The following SOS1 variants were observed in gnomAD, a reference collection of about 807,000 sequenced individuals.
The protein encoded by SOS1 is SOS Ras/Rac guanine nucleotide exchange factor 1.
A neutral mutation model predicts 157.6 loss-of-function variants in SOS1; 25 were observed. That is an observed-to-expected ratio of 0.16 (90% CI 0.12 to 0.22). The LOEUF (loss-of-function observed/expected upper bound fraction) is 0.22. Ranked by LOEUF, SOS1 falls within the 10% of genes least tolerant of loss-of-function variation. SOS1 has a pLI of 1.00. For missense variants in SOS1, 1,237 were observed against 1,599.1 expected (o/e 0.77, Z 3.86); for synonymous variants, 528 against 534.0 (o/e 0.99, Z 0.16).
intron 17 of SOS1, 145 bp from the exon 18 acceptor site, chr2:38,997,570 C>T (rs1668938017): frequency 5.4e-6 from 3 of 559,138 alleles, no homozygotes; most frequent in African/African-American, 3.8e-5. Context: ...GATATGAAAA[C>T]AGCAGCTTAA....
rs55813409 is a variant in SOS1, at chr2:38,987,137, A to G, written c.3510+336T>C. On this transcript the variant is annotated intron_variant, in intron 22 of 22. Transcript: ENST00000402219. Reference sequence around the variant, plus strand: ...ATGTCAAAATACAGTTTGACTTATAATGTGCCTTCATACAAAGCTTCAGGA... The same window carrying G: ...ATGTCAAAATACAGTTTGACTTATAGTGTGCCTTCATACAAAGCTTCAGGA... Among the ~76,000 whole-genome samples the G allele has an allele frequency of 3.8e-3, 579 of 152,288 alleles. 8 individuals are homozygous for G. The South Asian group carries it at 0.045, about 12-fold the overall frequency.
chr2:39,051,215 C>G lies in SOS1; in HGVS notation c.793G>C (p.Asp265His). 6.2e-7 allele frequency: 1 copy of G among 1,613,022 alleles called. No individual in the cohort carries two copies. The highest frequency in any genetic ancestry group is 1.1e-5 in the South Asian group (1 of 91,064). ...CCTTCATCTGTCATTTCTACTGTAT[C>G]TTCTATATGGCCCAGTAACTTTACA... ...LSVKLLGHIE[D>H]TVEMTDEGSP... is the part of the protein sequence containing the mutation. The change falls in exon 6 of 23, where the codon GAT becomes CAT. Residue 265 changes from aspartate (D) to histidine (H), a missense_variant. Asp to His is a moderately conservative substitution (Grantham distance 81). This residue lies in a region of SOS1 where 108 missense variants were observed against 115.3 expected (regional missense o/e 0.94). Transcript: ENST00000402219.
intron 1 of SOS1, among the ~76,000 whole-genome samples, chr2:39,086,438 C>T (rs1331131184): frequency 1.3e-5 from 2 of 152,128 alleles, no homozygotes; most frequent in Admixed American, 6.5e-5. Flanking sequence ...GAGTTCTGGA[C>T]TCCATTATGC....
In SOS1 at chr2:38,983,919, C is replaced by T. The variant is rs535329213; in HGVS notation, c.*1905G>A. 3.9e-5 allele frequency: 6 copies of T among 152,152 alleles called. No homozygotes were observed. The highest frequency in any genetic ancestry group is 1.3e-4 in the Admixed American group (2 of 15,266). The allele number at this position is 152,152 out of a possible 1,614,324, so 9.4% of individuals were successfully genotyped here. On this transcript the variant is annotated 3_prime_UTR_variant, in exon 23 of 23. Coordinates refer to ENST00000402219, the MANE Select transcript of SOS1 (RefSeq NM_005633.4). Reference sequence around the variant, plus strand: ...TATTTTATAAAGAGAAGAATGGCTACCATCATAGGAATGGTACAGATATTG... The same window carrying T: ...TATTTTATAAAGAGAAGAATGGCTATCATCATAGGAATGGTACAGATATTG...
At position 39,067,656 on chromosome 2, in the gene SOS1, G is replaced by C; in HGVS notation, c.185C>G (p.Ala62Gly). The C allele has an allele frequency of 1.2e-6, 2 of 1,613,226 alleles. No homozygotes were observed. The highest frequency in any genetic ancestry group is 1.7e-6 in the Non-Finnish European group (2 of 1,179,204). The change falls in exon 2 of 23, where the codon GCT becomes GGT. Residue 62 changes from alanine (A) to glycine (G), a missense_variant. By Grantham distance (60) the Ala-to-Gly change is moderately conservative. Coordinates refer to ENST00000402219, the MANE Select transcript of SOS1 (RefSeq NM_005633.4). Reference sequence around the variant, plus strand: ...TACATCTGAAGCACTTCGGGGCTGAGCTTGGCATAGCATATTTAATAATTG... The same window carrying C: ...TACATCTGAAGCACTTCGGGGCTGACCTTGGCATAGCATATTTAATAATTG... ...ILQLLNMLCQ[A>G]QPRSASDVEE...
intron 1 of SOS1, among the ~76,000 whole-genome samples, chr2:39,077,079 AC>A (rs1672030785): frequency 6.6e-6 from 1 of 152,218 alleles, no homozygotes; most frequent in Non-Finnish European, 1.5e-5. Context: ...ACAGTGACTC[AC>A]GCCTGTAATC....
chr2:39,122,737 G>A (rs142517116), upstream of SOS1, among the ~76,000 whole-genome samples: 343 of 152,146 alleles, frequency 2.3e-3, 1 homozygote, highest in African/African-American at 8.0e-3. Flanking sequence ...TTAGAGATGG[G>A]GTTTCACTGT....
At chr2:39,054,073 G>A (rs1487657669) in intron 5 of SOS1, among the ~76,000 whole-genome samples, 4 of 152,104 alleles carry the variant, frequency 2.6e-5, no homozygotes, top group East Asian at 3.9e-4. Context: ...GATTACAGAC[G>A]CTCGCCACCA....
Position 39,058,801 on chromosome 2 carries a change from G to A in SOS1, c.217C>T (p.Arg73Cys), listed in dbSNP as rs772133124. ...QPRSASDVEE[R>C]VQKSFPHPID... ...GGATGAGGGAAACTTTTTTGAACAC[G>A]TTCCTTGGAAAATAGGAAAATAACA... Residue 73 changes from arginine to cysteine, a missense_variant, in exon 3 of 23, where the codon CGT becomes TGT. Transcript: ENST00000402219. 4 of 1,610,384 alleles carry A rather than the reference G, an allele frequency of 2.5e-6. No individual in the cohort carries two copies. The highest frequency in any genetic ancestry group is 1.3e-5 in the African/African-American group (1 of 74,792).
chr2:39,107,551 G>A (rs888905454), intron 1 of SOS1, among the ~76,000 whole-genome samples: 3 of 150,726 alleles, frequency 2.0e-5, no homozygotes, highest in Admixed American at 6.6e-5. Flanking sequence ...CCCCTCACAA[G>A]CATTTCACCT....
intron 1 of SOS1, among the ~76,000 whole-genome samples, chr2:39,091,268 T>C (rs958498441): frequency 1.3e-5 from 2 of 152,202 alleles, no homozygotes; most frequent in Non-Finnish European, 2.9e-5. Flanking sequence ...GTTTATTTGC[T>C]GGATTTTTAC....
At chr2:39,037,975 G>T (rs1670416441) in intron 6 of SOS1, among the ~76,000 whole-genome samples, 1 of 152,124 alleles carries the variant, frequency 6.6e-6, no homozygotes, top group Non-Finnish European at 1.5e-5. Context: ...TAAGAGCTCT[G>T]ATGGAGATAT....
intron 2 of SOS1, among the ~76,000 whole-genome samples, chr2:39,061,534 C>T (rs988734139): frequency 2.0e-5 from 3 of 152,006 alleles, no homozygotes; most frequent in Non-Finnish European, 2.9e-5. Flanking sequence ...ACTATAAGTA[C>T]GTGCACCATG....
intron 1 of SOS1, among the ~76,000 whole-genome samples, chr2:39,108,714 C>A (rs1350574495): frequency 6.6e-6 from 1 of 152,058 alleles, no homozygotes; most frequent in Non-Finnish European, 1.5e-5. Context: ...CACAGTGAGA[C>A]CCTGTCTCTA....
At chr2:39,087,131 T>C (rs1272697707) in intron 1 of SOS1, among the ~76,000 whole-genome samples, 1 of 152,154 alleles carries the variant, frequency 6.6e-6, no homozygotes, top group East Asian at 1.9e-4. Context: ...TTGAAAATTA[T>C]AGTATTATGC....
chr2:39,050,615 A>G (rs1196141296), intron 6 of SOS1, among the ~76,000 whole-genome samples: 3 of 152,164 alleles, frequency 2.0e-5, no homozygotes, highest in Non-Finnish European at 2.9e-5. Context: ...TGCTCCAATG[A>G]GCATTTCCTT....
intron 1 of SOS1, among the ~76,000 whole-genome samples, chr2:39,085,738 T>C (rs1672346255): frequency 6.6e-6 from 1 of 152,224 alleles, no homozygotes; most frequent in African/African-American, 2.4e-5. Context: ...ATGTCATCTG[T>C]GAATTCCACC....
chr2:39,027,923 C>T (rs1468872344), intron 8 of SOS1, among the ~76,000 whole-genome samples: 1 of 151,804 alleles, frequency 6.6e-6, no homozygotes, highest in African/African-American at 2.4e-5. Flanking sequence ...CCACACCTCC[C>T]AGGTTCAAGC....
At chr2:39,006,104 T>A (rs564780663) in intron 17 of SOS1, among the ~76,000 whole-genome samples, 1 of 152,268 alleles carries the variant, frequency 6.6e-6, no homozygotes, top group African/African-American at 2.4e-5. Flanking sequence ...ATAAATATAG[T>A]TGAGTTTGGC....
Sources: allele counts gnomAD v4.1 joint callset (sites outside exome capture counted in the v4.1 genomes callset), GRCh38; gene constraint gnomAD v4.1.1; regional missense constraint gnomAD v4.1.1; transcripts MANE v1.5; gene names NCBI Gene and HGNC (gene_info 2026-07-23, HGNC 2026-07-21).